The following ADGRF3 variants were observed in gnomAD, a reference collection of about 807,000 sequenced individuals.
ADGRF3 encodes adhesion G protein-coupled receptor F3, also known as G protein-coupled receptor 113.
ADGRF3 carries 85 observed loss-of-function variants against 93.2 expected under a neutral mutation model. The ratio of observed to expected loss-of-function variants is 0.91; its 90% CI spans 0.77 to 1.09. The LOEUF is 1.09. Among genes scored for constraint, ADGRF3 ranks in the 50% least tolerant of loss-of-function variants. ADGRF3 has a pLI of 0.00. For missense variants in ADGRF3, 1,125 were observed against 1,246.2 expected, an observed-to-expected ratio of 0.90 and a Z score of 1.46; for synonymous variants, 534 against 532.5, an observed-to-expected ratio of 1.00 and a Z score of -0.04.
chr2:26,309,371 C>A, intron 13 of ADGRF3, 155 bp downstream of exon 13: 7 of 1,490,874 alleles, frequency 4.7e-6, no homozygotes, highest in Non-Finnish European at 6.2e-6. Flanking sequence ...AGCCATCTAG[C>A]AATGGCTACC....
chr2:26,332,370 C>T (rs1434120270), intron 1 of ADGRF3, among the ~76,000 whole-genome samples: 3 of 152,172 alleles, frequency 2.0e-5, no homozygotes, highest in Admixed American at 2.0e-4. Flanking sequence ...GCTGTCCATA[C>T]TGGAAAGCAG....
chr2:26,318,827 T>C, intron 1 of ADGRF3: 1 of 1,402,576 alleles, frequency 7.1e-7, no homozygotes, highest in Non-Finnish European at 9.7e-7. Context: ...AGCATCCACT[T>C]TCCTTACACA....
At chr2:26,322,250 T>G (rs1466253527) in intron 1 of ADGRF3, among the ~76,000 whole-genome samples, 1 of 135,916 alleles carries the variant, frequency 7.4e-6, no homozygotes, top group Non-Finnish European at 1.5e-5. Flanking sequence ...GCCACTGCAC[T>G]CCAGCCTGGG....
At chr2:26,327,306 C>A (rs1047045122) in intron 1 of ADGRF3, among the ~76,000 whole-genome samples, 10 of 152,222 alleles carry the variant, frequency 6.6e-5, no homozygotes, top group African/African-American at 2.4e-4. Flanking sequence ...CAGAAACAGA[C>A]AAACATGAGG....
At chr2:26,342,067 C>T (rs1416849887) in intron 1 of ADGRF3, among the ~76,000 whole-genome samples, 6 of 148,100 alleles carry the variant, frequency 4.1e-5, no homozygotes, top group African/African-American at 7.4e-5. Context: ...AGCAAGACTC[C>T]ATCTCAAAAA....
chr2:26,326,025 G>A (rs569726398), intron 1 of ADGRF3, among the ~76,000 whole-genome samples: 44 of 152,272 alleles, frequency 2.9e-4, no homozygotes, highest in African/African-American at 9.1e-4. Context: ...CAACAACTAC[G>A]TGTTATGGTT....
At position 26,346,154 on chromosome 2, in the gene ADGRF3, C is replaced by T. The variant is rs766402419; in HGVS notation, c.81G>A (p.Trp27Ter). 9.3e-6 allele frequency: 15 copies of T among 1,608,684 alleles called. No homozygotes were observed. In the South Asian group the frequency reaches 1.7e-4, roughly 18 times the overall value. The change falls in exon 1 of 14, where the codon TGG becomes TGA. Residue 27 changes from tryptophan (W) to a stop codon, truncating the protein, a stop_gained. Transcript: ENST00000651242. LOFTEE classifies it high-confidence loss of function. ...KAVTHKHHTG[W>*]ARMAKTGLPE... Reference sequence around the variant, plus strand: ...GCAGCCCAGTCTTTGCCATCCTTGCCCAGCCGGTGTGGTGCTTGTGTGTCA... The same window carrying T: ...GCAGCCCAGTCTTTGCCATCCTTGCTCAGCCGGTGTGGTGCTTGTGTGTCA...
At chr2:26,343,854 C>T (rs566034750) in intron 1 of ADGRF3, among the ~76,000 whole-genome samples, 6 of 152,306 alleles carry the variant, frequency 3.9e-5, no homozygotes, top group African/African-American at 1.4e-4. Context: ...TATGCTTCAG[C>T]TTATAAATTA....
intron 1 of ADGRF3, among the ~76,000 whole-genome samples, chr2:26,335,380 T>C (rs1403674971): frequency 6.6e-6 from 1 of 152,252 alleles, no homozygotes; most frequent in Non-Finnish European, 1.5e-5. Context: ...TTCCTTTTTG[T>C]GGCTGAACAG....
chr2:26,341,900 C>T (rs996024981), intron 1 of ADGRF3, among the ~76,000 whole-genome samples: 21 of 151,938 alleles, frequency 1.4e-4, no homozygotes, highest in African/African-American at 3.4e-4. Context: ...GGTGAAACCC[C>T]GTCTCTACTA....
Position 26,314,607 on chromosome 2 carries a change from G to A in ADGRF3, c.735C>T (p.Cys245=). The change falls in exon 6 of 14, where the codon TGC becomes TGT. Residue 245 remains cysteine (C), a synonymous_variant. Transcript: ENST00000651242. ...TCCACTTGAAGCCCTGGGCCTCGAA[G>A]CAGCTCATGTACTCACCTGCAGAAA... ...SHHWAGEYMS[C]FEAQGFKWNL... 1 of 1,613,864 alleles carries A rather than the reference G, an allele frequency of 6.2e-7. No individual in the cohort carries two copies. The highest frequency in any genetic ancestry group is 8.5e-7 in the Non-Finnish European group (1 of 1,179,768).
chr2:26,318,196 G>T lies in ADGRF3; in HGVS notation c.115-634C>A, dbSNP rs1674874844. The T allele has an allele frequency of 2.2e-5, 21 of 967,050 alleles. No individual in the cohort carries two copies. The South Asian group carries it at 3.4e-4, about 16-fold the overall frequency. 59.9% of individuals were successfully genotyped at this position (967,050 alleles called of 1,614,324 possible). On this transcript the variant is annotated intron_variant, in intron 1 of 13. Transcript: ENST00000651242. Reference sequence around the variant, plus strand: ...CAGTCCTTCCTCCAGGAAATATGGAGGGGCTCACTGTGTCACAGACCTGAG... The same window carrying T: ...CAGTCCTTCCTCCAGGAAATATGGATGGGCTCACTGTGTCACAGACCTGAG...
At position 26,310,733 on chromosome 2, in the gene ADGRF3, T is replaced by A; in HGVS notation, c.2791A>T (p.Thr931Ser). 16 of 1,613,120 alleles carry A rather than the reference T, an allele frequency of 9.9e-6. No homozygotes were observed. The highest frequency in any genetic ancestry group is 1.3e-5 in the Non-Finnish European group (15 of 1,179,510). The change falls in exon 10 of 14, where the codon ACG (threonine) becomes TCG (serine). Residue 931 changes from threonine (T) to serine (S), a missense_variant. Coordinates refer to ENST00000651242, the MANE Select transcript of ADGRF3 (RefSeq NM_001321971.2). Reference sequence around the variant, plus strand: ...ATGGTGAAGATGTAATGAGGGACCGTGGAGACTTCCTCTAACAGAGTGGCC... The same window carrying A: ...ATGGTGAAGATGTAATGAGGGACCGAGGAGACTTCCTCTAACAGAGTGGCC... ...GLATLLEEVS[T>S]VPHYIFTILN...
chr2:26,326,953 A>G (rs1675466500), intron 1 of ADGRF3, among the ~76,000 whole-genome samples: 1 of 152,124 alleles, frequency 6.6e-6, no homozygotes, highest in South Asian at 2.1e-4. Flanking sequence ...CATTTTTATT[A>G]GAGATGGGGT....
At position 26,317,511 on chromosome 2, in the gene ADGRF3, C is replaced by A; in HGVS notation, c.166G>T (p.Glu56Ter). Residue 56 changes from glutamate to a stop codon, truncating the protein, a stop_gained, in exon 2 of 14, where the codon GAG (glutamate) becomes TAG (stop). Coordinates refer to ENST00000651242, the MANE Select transcript of ADGRF3 (RefSeq NM_001321971.2). LOFTEE classifies it high-confidence loss of function. ...ATACACTCACCCCCTGCTCCATTCTCTTGGTCCAGGAGCTGCCCAGATCCA... is the reference window on the plus strand; with the variant it reads ...ATACACTCACCCCCTGCTCCATTCTATTGGTCCAGGAGCTGCCCAGATCCA... ...ESGSGQLLDQENGAGESALVS... is the reference protein window; with the variant it reads ...ESGSGQLLDQ 6.3e-7 allele frequency: 1 copy of A among 1,591,780 alleles called. No individual in the cohort carries two copies. The highest frequency in any genetic ancestry group is 1.8e-5 in the Admixed American group (1 of 57,086).
chr2:26,328,936 T>C (rs1292292614), intron 1 of ADGRF3, among the ~76,000 whole-genome samples: 2 of 152,244 alleles, frequency 1.3e-5, no homozygotes, highest in Non-Finnish European at 2.9e-5. Context: ...AAGATGTCCA[T>C]GTGCAAATCC....
At chr2:26,333,521 C>T (rs1215198752) in intron 1 of ADGRF3, among the ~76,000 whole-genome samples, 1 of 61,836 alleles carries the variant, frequency 1.6e-5, no homozygotes, top group African/African-American at 5.7e-5. Context: ...CCAGTCATCT[C>T]ATTAGCACGC....
rs1674578990 is a variant in ADGRF3 at position 26,315,598 on chromosome 2, T to G, written c.642A>C (p.Pro214=). The change falls in exon 5 of 14, where the codon CCA becomes CCC. Residue 214 remains proline, a synonymous_variant. Coordinates refer to ENST00000651242, the MANE Select transcript of ADGRF3 (RefSeq NM_001321971.2). ...TGGAAGTCACAGACACCTGTGTCCC[T>G]GGCTGCAGGAGGATGGGACTGGGGC... ...PGSPSPILLQ[P]GTQVSVTSSH... 6.4e-7 allele frequency: 1 copy of G among 1,551,622 alleles called. No individual in the cohort carries two copies. Among genetic ancestry groups the G allele is most frequent in the South Asian group, 1.2e-5 (1 of 84,044 alleles).
intron 9 of ADGRF3, 32 bp from the exon 10 acceptor site, chr2:26,312,106 C>G: frequency 1.3e-6 from 2 of 1,568,568 alleles, no homozygotes; most frequent in Non-Finnish European, 1.7e-6. Context: ...TGAACCCCGT[C>G]TGCTGGCGCC....
Sources: gnomAD v4.1 joint callset for allele counts (sites outside exome capture counted in the v4.1 genomes callset) on GRCh38, gnomAD v4.1.1 for gene constraint, MANE v1.5 for transcripts, NCBI Gene and HGNC (gene_info 2026-07-23, HGNC 2026-07-21) for gene names.